Variants in CDH18 observed in about 807,000 individuals in gnomAD.
CDH18 encodes the protein cadherin 18.
In CDH18, 31 loss-of-function variants were observed where a neutral mutation model predicts 67.9. That is an observed-to-expected ratio of 0.46 (90% confidence interval 0.34 to 0.62). The LOEUF (loss-of-function observed/expected upper bound fraction) is 0.62. Among genes scored for constraint, CDH18 ranks in the 20% least tolerant of loss-of-function variants. The pLI, the probability that CDH18 is intolerant of heterozygous loss-of-function variation, is 0.01. For missense variants in CDH18, 890 were observed against 975.5 expected, an observed-to-expected ratio of 0.91 and a Z score of 1.17; for synonymous variants, 362 against 347.2, an observed-to-expected ratio of 1.04 and a Z score of -0.48.
intron 12 of CDH18, among the ~76,000 whole-genome samples, chr5:19,478,048 G>A (rs1171892494): frequency 1.3e-5 from 2 of 152,066 alleles, no homozygotes; most frequent in African/African-American, 4.8e-5. Context: ...GAATAAATTT[G>A]TGGAGTTTTA....
At chr5:19,929,928 A>T (rs945953735) in intron 2 of CDH18, among the ~76,000 whole-genome samples, 17 of 152,092 alleles carry the variant, frequency 1.1e-4, no homozygotes, top group African/African-American at 4.1e-4. Flanking sequence ...AGCAGGAAAA[A>T]CGTTGGTTTA....
chr5:19,560,006 A>G lies in CDH18; in HGVS notation c.1253+11573T>C, dbSNP rs1262729057. Among the ~76,000 whole-genome samples, 5 of 152,076 alleles carry G rather than the reference A, an allele frequency of 3.3e-5. No homozygotes were observed. The South Asian group carries it at 8.3e-4, about 25-fold the overall frequency. ...AAACTACAAAACACTGCTGAAATAC[A>G]TCATAGACAACATAAACAAATGGAA... On this transcript the variant is annotated intron_variant, in intron 8 of 12. Coordinates refer to ENST00000382275, the MANE Select transcript of CDH18 (RefSeq NM_004934.5).
chr5:19,985,235 A>C (rs1314198195), intron 1 of CDH18, among the ~76,000 whole-genome samples: 1 of 152,048 alleles, frequency 6.6e-6, no homozygotes, highest in Non-Finnish European at 1.5e-5. Context: ...ACCAATTGAA[A>C]ACCATTCATT....
intron 8 of CDH18, among the ~76,000 whole-genome samples, chr5:19,561,780 C>T (rs1440199478): frequency 6.6e-6 from 1 of 151,998 alleles, no homozygotes. Flanking sequence ...GCTTTTGGAC[C>T]ATTCAGCCTT....
At chr5:20,034,657 A>G (rs1327339603) in intron 2 of CDH18, among the ~76,000 whole-genome samples, 2 of 151,984 alleles carry the variant, frequency 1.3e-5, no homozygotes, top group Non-Finnish European at 2.9e-5. Context: ...TTGGGCTCCA[A>G]CTGGACCATA....
intron 2 of CDH18, among the ~76,000 whole-genome samples, chr5:20,073,268 C>CCT (rs1214786892): frequency 4.0e-5 from 6 of 151,488 alleles, no homozygotes; most frequent in South Asian, 2.1e-4. Context: ...AGTAATTCTC[C>CCT]CTCTCTCTCT....
chr5:20,439,711 G>A (rs1223017464), intron 1 of CDH18, among the ~76,000 whole-genome samples: 1 of 151,662 alleles, frequency 6.6e-6, no homozygotes, highest in East Asian at 1.9e-4. Context: ...TATTGTCTGA[G>A]GTAAAATCTC....
chr5:19,629,122 A>G (rs1304955899), intron 5 of CDH18, among the ~76,000 whole-genome samples: 2 of 152,210 alleles, frequency 1.3e-5, no homozygotes, highest in African/African-American at 4.8e-5. Flanking sequence ...TGAAATGAAG[A>G]AAATGTTACG....
chr5:19,667,374 A>C (rs2150336069), intron 5 of CDH18, among the ~76,000 whole-genome samples: 1 of 151,356 alleles, frequency 6.6e-6, no homozygotes, highest in African/African-American at 2.4e-5. Flanking sequence ...ATACTTAATC[A>C]GTTAATTATT....
At chr5:19,737,734 C>G (rs1768535120) in intron 4 of CDH18, among the ~76,000 whole-genome samples, 1 of 152,160 alleles carries the variant, frequency 6.6e-6, no homozygotes, top group Non-Finnish European at 1.5e-5. Context: ...TGTCCTAATA[C>G]AGTAATTTCA....
At chr5:19,756,898 T>C (rs1771679264) in intron 3 of CDH18, among the ~76,000 whole-genome samples, 1 of 152,150 alleles carries the variant, frequency 6.6e-6, no homozygotes, top group Non-Finnish European at 1.5e-5. Flanking sequence ...GAATCTTCGC[T>C]ATGGGAGAAA....
intron 2 of CDH18, among the ~76,000 whole-genome samples, chr5:20,194,663 T>G (rs1346610110): frequency 9.7e-6 from 1 of 103,222 alleles, no homozygotes; most frequent in Non-Finnish European, 2.1e-5. Context: ...AAGTAATTTT[T>G]TTTTTTAAAA....
chr5:20,205,499 A>T (rs1739810043), intron 2 of CDH18, among the ~76,000 whole-genome samples: 1 of 151,928 alleles, frequency 6.6e-6, no homozygotes, highest in Admixed American at 6.6e-5. Flanking sequence ...ATAAAGAAAC[A>T]TCAGAATTAA....
chr5:20,444,972 A>G (rs1177930271), intron 1 of CDH18, among the ~76,000 whole-genome samples: 1 of 152,154 alleles, frequency 6.6e-6, no homozygotes. Context: ...ATATATAATA[A>G]TCATTCACAG....
At chr5:19,837,171 ACAC>A (rs1446611911) in intron 3 of CDH18, among the ~76,000 whole-genome samples, 1 of 152,130 alleles carries the variant, frequency 6.6e-6, no homozygotes, top group Non-Finnish European at 1.5e-5. Context: ...AGAAAACCAA[ACAC>A]CACATGTTCT....
chr5:20,388,724 GT>G (rs561244994), intron 1 of CDH18, among the ~76,000 whole-genome samples: 43 of 152,126 alleles, frequency 2.8e-4, no homozygotes, highest in African/African-American at 1.0e-3. Flanking sequence ...AAATTTCCCT[GT>G]ACACACTGAT....
chr5:19,563,730 T>C (rs999574181), intron 8 of CDH18, among the ~76,000 whole-genome samples: 1 of 152,194 alleles, frequency 6.6e-6, no homozygotes, highest in Non-Finnish European at 1.5e-5. Context: ...ATTGAAGAAC[T>C]TTCCATGAAA....
At chr5:19,610,332 T>C (rs1748740152) in intron 6 of CDH18, among the ~76,000 whole-genome samples, 2 of 152,082 alleles carry the variant, frequency 1.3e-5, no homozygotes, top group African/African-American at 4.8e-5. Context: ...ACACTATTAT[T>C]GATCAACATA....
At chr5:20,037,605 T>A (rs892901571) in intron 2 of CDH18, among the ~76,000 whole-genome samples, 1 of 152,112 alleles carries the variant, frequency 6.6e-6, no homozygotes, top group African/African-American at 2.4e-5. Context: ...GAATGACTAC[T>A]GGGTAAATAA....
Sources: gnomAD v4.1 joint callset for allele counts (sites outside exome capture counted in the v4.1 genomes callset) on GRCh38, gnomAD v4.1.1 for gene constraint, MANE v1.5 for transcripts, NCBI Gene and HGNC (gene_info 2026-07-23, HGNC 2026-07-21) for gene names.